Variants in CCDC160 observed in about 807,000 individuals in gnomAD.
CCDC160 encodes the protein coiled-coil domain containing 160.
For synonymous variants in CCDC160, 94 were observed against 79.4 expected, an observed-to-expected ratio of 1.18 and a Z score of -0.98; for missense variants, 227 against 215.6, an observed-to-expected ratio of 1.05 and a Z score of -0.33.
At chrX:134,241,097 A>G (rs1031555762) in intron 1 of CCDC160, among the ~76,000 whole-genome samples, 1 of 111,452 alleles carries the variant, frequency 9.0e-6, no homozygotes, top group African/African-American at 3.3e-5. Context: ...CCGCTTTAAT[A>G]TGATTATACT....
intron 1 of CCDC160, among the ~76,000 whole-genome samples, chrX:134,238,529 C>T (rs185607327): frequency 1.2e-4 from 13 of 108,881 alleles, no homozygotes; most frequent in Non-Finnish European, 1.1e-4. Flanking sequence ...CGTGCCACCA[C>T]GCCCGGCTAA....
At chrX:134,242,461 C>G (rs1198391282) in intron 1 of CCDC160, among the ~76,000 whole-genome samples, 3 of 110,681 alleles carry the variant, frequency 2.7e-5, no homozygotes, top group African/African-American at 9.9e-5. Flanking sequence ...TAAATGGGCT[C>G]TTCCCATTTC....
chrX:134,245,963 G>A (rs1166337157), downstream of CCDC160: 3 of 347,395 alleles, frequency 8.6e-6, no homozygotes, highest in Non-Finnish European at 1.4e-5. Flanking sequence ...AGTTATTGCA[G>A]GAATACAAAT....
At chrX:134,240,997 A>G (rs2077026007) in intron 1 of CCDC160, among the ~76,000 whole-genome samples, 1 of 109,958 alleles carries the variant, frequency 9.1e-6, no homozygotes, top group African/African-American at 3.3e-5. Flanking sequence ...AGGCAACAGA[A>G]AAAAAAAATT....
chrX:134,245,407 C>T lies in CCDC160; in HGVS notation c.607C>T (p.Leu203Phe), dbSNP rs765098166. ...GGATGCTTCAAAAAGTGACTATGAA[C>T]TTCAAGCTTTAAGAAATGACCTGTC... The change falls in exon 2 of 2, where the codon CTT becomes TTT. Residue 203 changes from leucine (L) to phenylalanine (F), a missense_variant. Coordinates refer to ENST00000370809, the Ensembl canonical transcript of CCDC160. 12 of 1,184,980 alleles carry T rather than the reference C, an allele frequency of 1.0e-5. No homozygotes were observed. In the South Asian group the frequency reaches 2.1e-4, roughly 21 times the overall value.
intron 1 of CCDC160, among the ~76,000 whole-genome samples, chrX:134,244,376 G>T: frequency 8.9e-6 from 1 of 112,178 alleles, no homozygotes; most frequent in Non-Finnish European, 1.9e-5. Context: ...AACTAGAAAG[G>T]CATCAGACAC....
chrX:134,237,659 C>T (rs1183730590), intron 1 of CCDC160, among the ~76,000 whole-genome samples: 1 of 111,628 alleles, frequency 9.0e-6, no homozygotes, highest in African/African-American at 3.3e-5. Flanking sequence ...GCCCCGACCC[C>T]GAGCCACCTT....
Position 134,244,144 on chromosome X carries a change from C to T in CCDC160, c.-24-633C>T, listed in dbSNP as rs2077035254. ...ACATTAGATTCTCCTCATGAAATTGCTGTCAAAATGGATAGAATTCTGTAC... is the reference window on the plus strand; with the variant it reads ...ACATTAGATTCTCCTCATGAAATTGTTGTCAAAATGGATAGAATTCTGTAC... On this transcript the variant is annotated intron_variant, in intron 1 of 1. Coordinates refer to ENST00000370809, the Ensembl canonical transcript of CCDC160. Among the ~76,000 whole-genome samples the T allele has an allele frequency of 3.6e-5, 4 of 111,705 alleles. No homozygotes were observed. The South Asian group carries it at 1.5e-3, about 42-fold the overall frequency.
At chrX:134,242,563 A>ATGTGTGTGTGTG (rs749215004) in intron 1 of CCDC160, among the ~76,000 whole-genome samples, 1 of 104,795 alleles carries the variant, frequency 9.5e-6, no homozygotes, top group Non-Finnish European at 2.0e-5. Context: ...GAAAATTAAA[A>ATGTGTGTGTGTG]AGTGTGTGTG....
chrX:134,246,446 T>C (rs1214500148), downstream of CCDC160, among the ~76,000 whole-genome samples: 3 of 112,064 alleles, frequency 2.7e-5, no homozygotes, highest in Non-Finnish European at 5.6e-5. Flanking sequence ...AGCCCTGCTC[T>C]TGCCAGCAGT....
intron 1 of CCDC160, among the ~76,000 whole-genome samples, chrX:134,240,663 T>G (rs2077024459): frequency 1.6e-5 from 1 of 63,150 alleles, no homozygotes; most frequent in Admixed American, 2.2e-4. Context: ...GAAACCAAAT[T>G]CTTTTTTTTT....
chrX:134,242,564 AGTGTGTGTGTGT>A (rs371345902), intron 1 of CCDC160, among the ~76,000 whole-genome samples: 16 of 104,927 alleles, frequency 1.5e-4, no homozygotes, highest in Non-Finnish European at 3.0e-4. Flanking sequence ...AAAATTAAAA[AGTGTGTGTGTGT>A]GTGTGTGTGT....
At chrX:134,246,112 A>G (rs2077042744), downstream of CCDC160, 1 of 130,986 alleles carries the variant, frequency 7.6e-6, no homozygotes, top group Non-Finnish European at 1.5e-5. Context: ...CAATTTTGTG[A>G]TCTCGTAAGC....
At chrX:134,242,260 G>C (rs1375450789) in intron 1 of CCDC160, among the ~76,000 whole-genome samples, 1 of 111,346 alleles carries the variant, frequency 9.0e-6, no homozygotes, top group African/African-American at 3.3e-5. Flanking sequence ...CTCTTCTTTT[G>C]TGGCCTTTTA....
intron 1 of CCDC160, among the ~76,000 whole-genome samples, chrX:134,244,383 AC>A (rs2077035796): frequency 8.9e-6 from 1 of 112,666 alleles, no homozygotes; most frequent in Non-Finnish European, 1.9e-5. Context: ...AAGGCATCAG[AC>A]ACATTGAAAG....
chrX:134,241,348 C>T (rs2077026977), intron 1 of CCDC160, among the ~76,000 whole-genome samples: 1 of 111,386 alleles, frequency 9.0e-6, no homozygotes, highest in African/African-American at 3.3e-5. Flanking sequence ...CAGTGGTTCT[C>T]AAATTCTTTA....
chrX:134,246,496 GT>G (rs1483855395), downstream of CCDC160, among the ~76,000 whole-genome samples: 1 of 111,096 alleles, frequency 9.0e-6, no homozygotes, highest in African/African-American at 3.3e-5. Context: ...AAGGGGCATT[GT>G]TTACACAGTT....
intron 1 of CCDC160, among the ~76,000 whole-genome samples, chrX:134,241,053 A>T: frequency 9.0e-6 from 1 of 111,215 alleles, no homozygotes; most frequent in Non-Finnish European, 1.9e-5. Flanking sequence ...TTAAAATATG[A>T]ATATTTTAGA....
At chrX:134,238,312 G>A (rs1309087496) in intron 1 of CCDC160, among the ~76,000 whole-genome samples, 1 of 108,744 alleles carries the variant, frequency 9.2e-6, no homozygotes, top group Non-Finnish European at 1.9e-5. Context: ...TTACCTCTTA[G>A]TGTCTGGTAT....
Sources: gnomAD v4.1 joint callset for allele counts (sites outside exome capture counted in the v4.1 genomes callset) on GRCh38, gnomAD v4.1.1 for gene constraint, MANE v1.5 for transcripts, NCBI Gene and HGNC (gene_info 2026-07-23, HGNC 2026-07-21) for gene names.